Variants in SNCB observed in about 807,000 individuals in gnomAD.
SNCB encodes the protein synuclein beta, also known as beta-synuclein.
SNCB carries 8 observed loss-of-function variants against 20.0 expected under a neutral mutation model. The ratio of observed to expected loss-of-function variants is 0.40; its 90% CI spans 0.24 to 0.72. The LOEUF (loss-of-function observed/expected upper bound fraction) is 0.72, where lower values mean the gene tolerates loss of function less well. Ranked by LOEUF, SNCB falls within the 30% of genes least tolerant of loss-of-function variation. The probability of loss-of-function intolerance (pLI) is 0.37; values close to 1 mark genes in which losing one functional copy is unlikely to be tolerated. For missense variants in SNCB, 125 were observed against 168.0 expected, an observed-to-expected ratio of 0.74 and a Z score of 1.41; for synonymous variants, 56 against 65.4, an observed-to-expected ratio of 0.86 and a Z score of 0.69.
chr5:176,624,810 A>AC (rs1362068865), intron 4 of SNCB, among the ~76,000 whole-genome samples: 3 of 151,170 alleles, frequency 2.0e-5, no homozygotes, highest in African/African-American at 7.3e-5. Context: ...CTCAAAAAAA[A>AC]AAAAAAACAA....
At position 176,629,901 on chromosome 5, in the gene SNCB, G is replaced by A. The variant is rs1371106522; in HGVS notation, c.-9-238C>T. The A allele has an allele frequency of 1.9e-6, 1 of 516,444 alleles. No individual in the cohort carries two copies. The highest frequency in any genetic ancestry group is 3.7e-5 in the Admixed American group (1 of 27,210). The allele number at this position is 516,444 out of a possible 1,614,324, so 32.0% of individuals were successfully genotyped here. A position where few individuals can be genotyped will look rare whatever the true frequency, so the allele number is the denominator to read the frequency against. ...GAGGGGCCACTGCCTCGGTTATCCG[G>A]GCCCTGCAAACTGCAGCCCCGTCGA... On this transcript the variant is annotated intron_variant, in intron 1 of 5. Transcript: ENST00000393693. The surrounding 1 kb of genome is among the most constrained non-coding windows in gnomAD (Gnocchi z 4.1).
chr5:176,624,263 G>A (rs1055128974), intron 4 of SNCB, among the ~76,000 whole-genome samples: 2 of 152,218 alleles, frequency 1.3e-5, no homozygotes, highest in Non-Finnish European at 2.9e-5. Context: ...AGCGACCCCA[G>A]TGACATGGCC....
In SNCB at chr5:176,626,989, C is replaced by A. The variant is rs1369677199; in HGVS notation, c.122-228G>T. On this transcript the variant is annotated intron_variant, in intron 2 of 5. Transcript: ENST00000393693. This position sits in a 1 kb window ranked among gnomAD's most constrained non-coding sequence, Gnocchi z 4.2. ...CTCTCCCACCTGATGCGATACCCCACCCCTCTAGTGGATGTTGGCTGAGGG... is the reference window on the plus strand; with the variant it reads ...CTCTCCCACCTGATGCGATACCCCAACCCTCTAGTGGATGTTGGCTGAGGG... 6.6e-6 allele frequency among the ~76,000 whole-genome samples: 1 copy of A among 152,210 alleles called. No homozygotes were observed. Among genetic ancestry groups the A allele is most frequent in the Non-Finnish European group, 1.5e-5 (1 of 68,036 alleles).
Position 176,621,352 on chromosome 5 carries a change from C to T in SNCB, c.283-49G>A, listed in dbSNP as rs374654130. The T allele has an allele frequency of 7.1e-4, 1,061 of 1,487,688 alleles. 11 individuals are homozygous for T. The African/African-American group carries it at 0.013, about 18-fold the overall frequency. 92.2% of individuals were successfully genotyped at this position (1,487,688 alleles called of 1,614,324 possible). On this transcript the variant is annotated intron_variant, in intron 4 of 5. Coordinates refer to ENST00000393693, the MANE Select transcript of SNCB (RefSeq NM_003085.5). This position sits in a 1 kb window ranked among gnomAD's most constrained non-coding sequence, Gnocchi z 4.1. ...TCGTGAGGACAGCCAGGATGCCCCC[C>T]AAATTCCCACAGTGGTAAGCTTTGG... is the stretch of plus-strand genomic sequence containing the variant.
chr5:176,621,645 C>T lies in SNCB; in HGVS notation c.283-342G>A, dbSNP rs200459839. On this transcript the variant is annotated intron_variant, in intron 4 of 5. Transcript: ENST00000393693. This position sits in a 1 kb window ranked among gnomAD's most constrained non-coding sequence, Gnocchi z 4.1. ...CAGGCTCTGTGCTGGGCATCGGGAC[C>T]CCAGAGATAACCCTCAGGCTCCCCT... 5.3e-5 allele frequency among the ~76,000 whole-genome samples: 8 copies of T among 152,314 alleles called. No homozygotes were observed. In the East Asian group the frequency reaches 1.5e-3, roughly 29 times the overall value.
chr5:176,623,241 G>A (rs2113384132), intron 4 of SNCB, among the ~76,000 whole-genome samples: 1 of 152,232 alleles, frequency 6.6e-6, no homozygotes, highest in East Asian at 1.9e-4. Flanking sequence ...ACAAAAATTA[G>A]CTGGGCATGG....
chr5:176,625,401 T>C (rs144415514), intron 4 of SNCB, among the ~76,000 whole-genome samples: 34 of 152,328 alleles, frequency 2.2e-4, no homozygotes, highest in African/African-American at 7.5e-4. Context: ...CTCTTGGTGA[T>C]TGATACACAC....
At position 176,626,044 on chromosome 5, in the gene SNCB, A is replaced by T. The variant is rs957879910; in HGVS notation, c.282+354T>A. On this transcript the variant is annotated intron_variant, in intron 4 of 5. Transcript: ENST00000393693. The surrounding 1 kb of genome is among the most constrained non-coding windows in gnomAD (Gnocchi z 4.2). ...ATTCACTGCGGCAGCCTCTACAACAATTCCTCTCTGGCATGGATATTTGTT... is the reference window on the plus strand; with the variant it reads ...ATTCACTGCGGCAGCCTCTACAACATTTCCTCTCTGGCATGGATATTTGTT... Among the ~76,000 whole-genome samples, 4 of 152,224 alleles carry T rather than the reference A, an allele frequency of 2.6e-5. No homozygotes were observed. In the East Asian group the frequency reaches 7.7e-4, roughly 29 times the overall value.
At chr5:176,623,870 C>G (rs1274236950) in intron 4 of SNCB, among the ~76,000 whole-genome samples, 2 of 152,126 alleles carry the variant, frequency 1.3e-5, no homozygotes, top group East Asian at 3.9e-4. Flanking sequence ...AGCCTGGCCA[C>G]CTGGTAGCTA....
chr5:176,624,222 C>T (rs1044299928), intron 4 of SNCB, among the ~76,000 whole-genome samples: 2 of 152,212 alleles, frequency 1.3e-5, no homozygotes, highest in Non-Finnish European at 2.9e-5. Context: ...CCCCAGCTCG[C>T]AGCACTAGGA....
In SNCB at chr5:176,629,651, C is replaced by G; in HGVS notation, c.4G>C (p.Asp2His). The stretch of plus-strand genomic sequence containing the variant: ...ATGGACAGGCCCTTCATGAACACGT[C>G]CATCCTGGCGGCCTGGGGAGGGCGA... M[D>H]VFMKGLSMAK... Residue 2 changes from aspartate (D) to histidine (H), a missense_variant, in exon 2 of 6, where the codon GAC becomes CAC. Coordinates refer to ENST00000393693, the MANE Select transcript of SNCB (RefSeq NM_003085.5). The surrounding 1 kb of genome is among the most constrained non-coding windows in gnomAD (Gnocchi z 4.1). The G allele has an allele frequency of 6.2e-7, 1 of 1,613,628 alleles. No homozygotes were observed. Among genetic ancestry groups the G allele is most frequent in the Non-Finnish European group, 8.5e-7 (1 of 1,179,752 alleles).
In SNCB at chr5:176,626,625, A is replaced by G. The variant is rs770073507; in HGVS notation, c.163+95T>C. 31 of 1,535,742 alleles carry G rather than the reference A, an allele frequency of 2.0e-5. 1 individual carries two copies. In the South Asian group the frequency reaches 3.4e-4, roughly 17 times the overall value. On this transcript the variant is annotated intron_variant, in intron 3 of 5. Coordinates refer to ENST00000393693, the MANE Select transcript of SNCB (RefSeq NM_003085.5). The surrounding 1 kb of genome is among the most constrained non-coding windows in gnomAD (Gnocchi z 4.2). ...CCCTCCCCACGGAGCATTCCCGCAGAAGCCTTGGGAGTCTCCCCCGCCCCC... is the reference window on the plus strand; with the variant it reads ...CCCTCCCCACGGAGCATTCCCGCAGGAGCCTTGGGAGTCTCCCCCGCCCCC...
At position 176,630,335 on chromosome 5, in the gene SNCB, G is replaced by C. The variant is rs1001048750; in HGVS notation, c.-65C>G. On this transcript the variant is annotated 5_prime_UTR_variant, in exon 1 of 6. Transcript: ENST00000393693. ...CGGCGGCTGCGGCGGGCGGACGCGG[G>C]GGCTCCGCTAGGCCAGGCCGGGGTG... The C allele has an allele frequency of 6.5e-6, 1 of 152,924 alleles. No individual in the cohort carries two copies. Among genetic ancestry groups the C allele is most frequent in the Non-Finnish European group, 1.5e-5 (1 of 68,542 alleles). The allele number at this position is 152,924 out of a possible 1,614,324, so 9.5% of individuals were successfully genotyped here. A position where few individuals can be genotyped will look rare whatever the true frequency, so the allele number is the denominator to read the frequency against.
intron 4 of SNCB, among the ~76,000 whole-genome samples, chr5:176,622,783 CTGGTGCGCAGTGGTG>C: frequency 7.3e-6 from 1 of 136,834 alleles, no homozygotes; most frequent in Admixed American, 8.1e-5. Context: ...GTGGCCCAGG[CTGGTGCGCAGTGGTG>C]TGATCTCGGC....
At position 176,626,900 on chromosome 5, in the gene SNCB, C is replaced by G. The variant is rs1312224671; in HGVS notation, c.122-139G>C. 2 of 842,770 alleles carry G rather than the reference C, an allele frequency of 2.4e-6. No individual in the cohort carries two copies. Among genetic ancestry groups the G allele is most frequent in the Non-Finnish European group, 4.0e-6 (2 of 497,736 alleles). 52.2% of individuals were successfully genotyped at this position (842,770 alleles called of 1,614,324 possible). On this transcript the variant is annotated intron_variant, in intron 2 of 5. Coordinates refer to ENST00000393693, the MANE Select transcript of SNCB (RefSeq NM_003085.5). This position sits in a 1 kb window ranked among gnomAD's most constrained non-coding sequence, Gnocchi z 4.2. Reference sequence around the variant, plus strand: ...TCCCCACATCCTACAACCTGCACCCCCATGTTAACCCCCGTCTTATCACTG... The same window carrying G: ...TCCCCACATCCTACAACCTGCACCCGCATGTTAACCCCCGTCTTATCACTG...
At chr5:176,628,230 C>T (rs1760097325) in intron 2 of SNCB, among the ~76,000 whole-genome samples, 1 of 152,044 alleles carries the variant, frequency 6.6e-6, no homozygotes. Context: ...CTTGGAGGGG[C>T]CAAGTCTATT....
At position 176,620,762 on chromosome 5, in the gene SNCB, G is replaced by GCAGGGA. The variant is rs747116694; in HGVS notation, c.*43_*48dup. The GCAGGGA allele has an allele frequency of 7.2e-7, 1 of 1,388,064 alleles. No individual in the cohort carries two copies. 86.0% of individuals were successfully genotyped at this position (1,388,064 alleles called of 1,614,324 possible). A position where few individuals can be genotyped will look rare whatever the true frequency, so the allele number is the denominator to read the frequency against. ...GACAGCCCTGGCTCTGGGGGGCGGG[G>GCAGGGA]CAGGGACAGGGACAGAATTGTGCTG... On this transcript the variant is annotated 3_prime_UTR_variant, in exon 6 of 6. Coordinates refer to ENST00000393693, the MANE Select transcript of SNCB (RefSeq NM_003085.5). This position sits in a 1 kb window ranked among gnomAD's most constrained non-coding sequence, Gnocchi z 4.5.
Position 176,629,704 on chromosome 5 carries a change from C to T in SNCB, c.-9-41G>A. ...CACGGGCACCGGTGCACTGGCCCCG[C>T]ACTCTCACCCCAGCCCCTCCCGCGG... On this transcript the variant is annotated intron_variant, in intron 1 of 5. Coordinates refer to ENST00000393693, the MANE Select transcript of SNCB (RefSeq NM_003085.5). This position sits in a 1 kb window ranked among gnomAD's most constrained non-coding sequence, Gnocchi z 4.1. 6.3e-7 allele frequency: 1 copy of T among 1,598,554 alleles called. No homozygotes were observed. Among genetic ancestry groups the T allele is most frequent in the Non-Finnish European group, 8.5e-7 (1 of 1,170,364 alleles).
At chr5:176,624,576 G>A (rs1759811174) in intron 4 of SNCB, among the ~76,000 whole-genome samples, 1 of 152,168 alleles carries the variant, frequency 6.6e-6, no homozygotes, top group Non-Finnish European at 1.5e-5. Context: ...CGAGGCAGGT[G>A]GATCACCTGA....
Sources: allele counts gnomAD v4.1 joint callset (sites outside exome capture counted in the v4.1 genomes callset), GRCh38; gene constraint gnomAD v4.1.1; non-coding constraint Gnocchi (gnomAD v3.1); transcripts MANE v1.5; gene names NCBI Gene and HGNC (gene_info 2026-07-23, HGNC 2026-07-21).